Variants in PDE4B observed in about 807,000 individuals in gnomAD.
The protein encoded by PDE4B is phosphodiesterase 4B.
In PDE4B, 20 loss-of-function variants were observed where a neutral mutation model predicts 82.2. The ratio of observed to expected loss-of-function variants is 0.24; its 90% CI spans 0.17 to 0.35. The LOEUF (loss-of-function observed/expected upper bound fraction) is 0.35. Among genes scored for constraint, PDE4B ranks in the 10% least tolerant of loss-of-function variants. PDE4B has a pLI of 1.00. For synonymous variants in PDE4B, 320 were observed against 318.9 expected, an observed-to-expected ratio of 1.00 and a Z score of -0.04; for missense variants, 655 against 907.2, an observed-to-expected ratio of 0.72 and a Z score of 3.57.
chr1:66,164,205 A>ACTGCTGGTGGTTCT (rs1646673427), intron 3 of PDE4B, among the ~76,000 whole-genome samples: 1 of 152,044 alleles, frequency 6.6e-6, no homozygotes, highest in South Asian at 2.1e-4. Context: ...TCCCCAACCC[A>ACTGCTGGTGGTTCT]AGAAATTACT....
chr1:66,156,344 AT>A (rs1646500795), intron 3 of PDE4B, among the ~76,000 whole-genome samples: 1 of 152,214 alleles, frequency 6.6e-6, no homozygotes, highest in East Asian at 1.9e-4. Flanking sequence ...TTATGATGTC[AT>A]CATAAATATT....
intron 7 of PDE4B, among the ~76,000 whole-genome samples, chr1:66,294,956 C>T (rs1657395950): frequency 6.6e-6 from 1 of 152,144 alleles, no homozygotes; most frequent in Non-Finnish European, 1.5e-5. Flanking sequence ...GAGAACCTTT[C>T]ACAGGCCCCA....
At chr1:65,857,222 A>G (rs184229437) in intron 1 of PDE4B, among the ~76,000 whole-genome samples, 2 of 152,294 alleles carry the variant, frequency 1.3e-5, no homozygotes, top group South Asian at 2.1e-4. Flanking sequence ...ATAATTTTTT[A>G]TCTTACCCAG....
intron 1 of PDE4B, among the ~76,000 whole-genome samples, chr1:65,817,315 A>G (rs2101223840): frequency 6.6e-6 from 1 of 152,304 alleles, no homozygotes; most frequent in East Asian, 1.9e-4. Context: ...ACCCAAGTGT[A>G]GCTTTCATTG....
intron 7 of PDE4B, among the ~76,000 whole-genome samples, chr1:66,273,525 ACC>A (rs1655660915): frequency 6.6e-6 from 1 of 152,096 alleles, no homozygotes; most frequent in Non-Finnish European, 1.5e-5. Flanking sequence ...GTGCATTTTA[ACC>A]CTTCATCTTC....
At position 66,368,904 on chromosome 1, in the gene PDE4B, C is replaced by T. The variant is rs201667673; in HGVS notation, c.1780C>T (p.Arg594Trp). The T allele has an allele frequency of 2.5e-6, 4 of 1,613,164 alleles. No homozygotes were observed. Among genetic ancestry groups the T allele is most frequent in the Admixed American group, 1.7e-5 (1 of 59,948 alleles). ...ATTTTTCCAGCAGGGAGACAAAGAG[C>T]GGGAGAGGGGAATGGAAATTAGCCC... ...EEFFQQGDKE[R>W]ERGMEISPMC... Residue 594 changes from arginine (R) to tryptophan (W), a missense_variant, in exon 16 of 17, where the codon CGG (arginine) becomes TGG (tryptophan). Transcript: ENST00000341517.
chr1:65,958,592 A>G (rs1407876464), intron 3 of PDE4B, among the ~76,000 whole-genome samples: 1 of 152,048 alleles, frequency 6.6e-6, no homozygotes, highest in African/African-American at 2.4e-5. Context: ...TATTTTCTTC[A>G]TGGGAAGATT....
intron 3 of PDE4B, among the ~76,000 whole-genome samples, chr1:65,988,579 A>G (rs537132550): frequency 6.6e-6 from 1 of 152,258 alleles, no homozygotes; most frequent in South Asian, 2.1e-4. Context: ...AGACATGATC[A>G]ATAATAATTC....
At chr1:66,255,693 T>C (rs902920842) in intron 4 of PDE4B, among the ~76,000 whole-genome samples, 1 of 152,224 alleles carries the variant, frequency 6.6e-6, no homozygotes, top group Non-Finnish European at 1.5e-5. Context: ...CTCTAACCTG[T>C]AATTGTCATG....
chr1:66,143,210 G>A (rs1486835200), intron 3 of PDE4B, among the ~76,000 whole-genome samples: 2 of 152,196 alleles, frequency 1.3e-5, no homozygotes, highest in Admixed American at 1.3e-4. Context: ...TTTCTAGTGA[G>A]AGAAACAGGT....
At chr1:66,362,007 G>A (rs1401906176) in intron 10 of PDE4B, among the ~76,000 whole-genome samples, 2 of 152,116 alleles carry the variant, frequency 1.3e-5, no homozygotes, top group Non-Finnish European at 2.9e-5. Flanking sequence ...AAGTCTTGGG[G>A]GATAGCCTGG....
intron 3 of PDE4B, among the ~76,000 whole-genome samples, chr1:66,246,327 G>C (rs993265613): frequency 1.1e-4 from 16 of 152,222 alleles, no homozygotes; most frequent in Non-Finnish European, 1.5e-5. Flanking sequence ...TGAGCTGGTT[G>C]TAAGAACTAG....
intron 7 of PDE4B, among the ~76,000 whole-genome samples, chr1:66,267,772 G>A (rs950061057): frequency 4.6e-5 from 7 of 152,162 alleles, no homozygotes; most frequent in Non-Finnish European, 8.8e-5. Context: ...ACGTAATTAC[G>A]GGTTTCAAAA....
chr1:65,969,585 A>G (rs1368869731), intron 3 of PDE4B, among the ~76,000 whole-genome samples: 1 of 152,112 alleles, frequency 6.6e-6, no homozygotes, highest in Non-Finnish European at 1.5e-5. Flanking sequence ...CAAAGCACTA[A>G]CTTTTTTGAG....
At chr1:65,976,716 G>A (rs1346870590) in intron 3 of PDE4B, among the ~76,000 whole-genome samples, 1 of 152,102 alleles carries the variant, frequency 6.6e-6, no homozygotes, top group Non-Finnish European at 1.5e-5. Flanking sequence ...AAAGTGTGTG[G>A]CACTTCCTGC....
At chr1:66,268,014 A>G (rs1655179509) in intron 7 of PDE4B, among the ~76,000 whole-genome samples, 1 of 152,216 alleles carries the variant, frequency 6.6e-6, no homozygotes, top group Admixed American at 6.5e-5. Context: ...ATGATTTTTC[A>G]TGATAGTAAG....
At chr1:66,209,845 C>T (rs1175924875) in intron 3 of PDE4B, among the ~76,000 whole-genome samples, 1 of 152,154 alleles carries the variant, frequency 6.6e-6, no homozygotes, top group Non-Finnish European at 1.5e-5. Flanking sequence ...CATGTTGTTG[C>T]CTATTCAATA....
At chr1:66,200,537 A>G (rs1234102270) in intron 3 of PDE4B, among the ~76,000 whole-genome samples, 2 of 152,130 alleles carry the variant, frequency 1.3e-5, no homozygotes, top group Admixed American at 6.5e-5. Flanking sequence ...AGTGGTCTGT[A>G]GTTCTCCTTT....
At chr1:66,081,262 T>G (rs7551528) in intron 3 of PDE4B, among the ~76,000 whole-genome samples, 35,027 of 152,060 alleles carry the variant, frequency 0.23, 4,705 homozygotes, top group Middle Eastern at 0.37. Context: ...CTACTGCATA[T>G]GTCTCTTCTG....
Sources: gnomAD v4.1 joint callset for allele counts (sites outside exome capture counted in the v4.1 genomes callset) on GRCh38, gnomAD v4.1.1 for gene constraint, MANE v1.5 for transcripts, NCBI Gene and HGNC (gene_info 2026-07-23, HGNC 2026-07-21) for gene names.